The following RYR3 variants were observed in gnomAD, a reference collection of about 807,000 sequenced individuals.
RYR3 encodes ryanodine receptor 3.
A neutral mutation model predicts 584.3 loss-of-function variants in RYR3; 207 were observed. The ratio of observed to expected loss-of-function variants is 0.35; its 90% CI spans 0.32 to 0.40. The LOEUF (loss-of-function observed/expected upper bound fraction) is 0.40. Ranked by LOEUF, RYR3 falls within the 10% of genes least tolerant of loss-of-function variation. The pLI is 1.00. For missense variants in RYR3, 5,616 were observed against 6,089.2 expected (o/e 0.92, Z 2.59); for synonymous variants, 2,416 against 2,248.5 (o/e 1.07, Z -2.11).
chr15:33,368,598 T>C (rs1975852858), intron 1 of RYR3, among the ~76,000 whole-genome samples: 2 of 152,056 alleles, frequency 1.3e-5, no homozygotes, highest in African/African-American at 4.8e-5. Context: ...GTAAGTGGTG[T>C]TCAATTCAGT....
intron 1 of RYR3, among the ~76,000 whole-genome samples, chr15:33,428,241 G>A (rs1486392700): frequency 6.6e-6 from 1 of 152,068 alleles, no homozygotes; most frequent in Non-Finnish European, 1.5e-5. Context: ...TATTGCATTC[G>A]AGTTAATGAG....
At chr15:33,769,290 G>GA in intron 62 of RYR3, 118 bp downstream of exon 62, 1 of 814,658 alleles carries the variant, frequency 1.2e-6, no homozygotes, top group South Asian at 1.4e-5. Flanking sequence ...GAAGAGAGGA[G>GA]AGACAGGGCA....
At chr15:33,324,294 C>T (rs750096826) in intron 1 of RYR3, among the ~76,000 whole-genome samples, 67 of 152,222 alleles carry the variant, frequency 4.4e-4, no homozygotes, top group Middle Eastern at 6.8e-3. Context: ...TGGCAGATTC[C>T]ACTCACAGTA....
chr15:33,636,529 G>A lies in RYR3; in HGVS notation c.3535G>A (p.Ala1179Thr), dbSNP rs368220434. 25 of 1,600,028 alleles carry A rather than the reference G, an allele frequency of 1.6e-5. No homozygotes were observed. Among genetic ancestry groups the A allele is most frequent in the African/African-American group, 9.4e-5 (7 of 74,258 alleles). ...ITNKGSELAF[A>T]DYEIENGFVP... ...CAACAAAGGCTCTGAACTTGCCTTC[G>A]CTGACTACGAGATTGAGAATGGTAA... The change falls in exon 27 of 104, where the codon GCT (alanine) becomes ACT (threonine). Residue 1179 changes from alanine to threonine, a missense_variant. This residue lies in a region of RYR3 where 152 missense variants were observed against 200.9 expected (regional missense o/e 0.76). Transcript: ENST00000634891.
chr15:33,625,826 T>C (rs1282649487), intron 20 of RYR3, among the ~76,000 whole-genome samples: 10 of 152,172 alleles, frequency 6.6e-5, no homozygotes, highest in Non-Finnish European at 1.3e-4. Context: ...GTGGTAGAAG[T>C]CAATCTCCCC....
Position 33,852,076 on chromosome 15 carries a change from GAAT to G in RYR3, c.13629-967_13629-965del, listed in dbSNP as rs2079165011. On this transcript the variant is annotated intron_variant, in intron 94 of 103. Coordinates refer to ENST00000634891, the MANE Select transcript of RYR3 (RefSeq NM_001036.6). Reference sequence around the variant, plus strand: ...GGGAGAGGCGGCATGAGAGGTCAGTGAATAGTAGGAGGTCTCCATTTCCTTATC... The same window carrying G: ...GGGAGAGGCGGCATGAGAGGTCAGTGAGTAGGAGGTCTCCATTTCCTTATC... The G allele has an allele frequency of 1.1e-4, 3 of 27,656 alleles. No homozygotes were observed. In the Admixed American group the frequency reaches 1.3e-3, roughly 12 times the overall value. 1.7% of individuals were successfully genotyped at this position (27,656 alleles called of 1,614,324 possible). A position where few individuals can be genotyped will look rare whatever the true frequency, so the allele number is the denominator to read the frequency against.
chr15:33,646,311 C>T (rs751974310), intron 28 of RYR3, 40 bp from the exon 29 acceptor site: 2 of 1,544,358 alleles, frequency 1.3e-6, no homozygotes, highest in South Asian at 2.5e-5. Flanking sequence ...CAAGGTCAGG[C>T]CCTTTGGTAT....
At chr15:33,315,869 A>G (rs548062090) in intron 1 of RYR3, among the ~76,000 whole-genome samples, 1 of 152,328 alleles carries the variant, frequency 6.6e-6, no homozygotes, top group African/African-American at 2.4e-5. Flanking sequence ...GGAGGTGGTG[A>G]TGACTGCAAA....
Position 33,548,152 on chromosome 15 carries a change from G to A in RYR3, c.763G>A (p.Gly255Arg). The change falls in exon 9 of 104, where the codon GGA (glycine) becomes AGA (arginine). Residue 255 changes from glycine to arginine, a missense_variant. By Grantham distance (125) the Gly-to-Arg change is moderately radical (BLOSUM62 -2). Transcript: ENST00000634891. The stretch of plus-strand genomic sequence containing the variant: ...CAGGAGGATATTCTACGAAGCTGGG[G>A]GAGCTGGGACTCGAGCCAGGTCTCT... ...QHRRIFYEAG[G>R]AGTRARSLWR... 1 of 1,612,708 alleles carries A rather than the reference G, an allele frequency of 6.2e-7. No individual in the cohort carries two copies. Among genetic ancestry groups the A allele is most frequent in the Non-Finnish European group, 8.5e-7 (1 of 1,179,344 alleles).
intron 55 of RYR3, among the ~76,000 whole-genome samples, chr15:33,749,317 A>G (rs2071046259): frequency 6.6e-6 from 1 of 152,180 alleles, no homozygotes; most frequent in Non-Finnish European, 1.5e-5. Context: ...ATGTAAGACC[A>G]AGGGGTTGAA....
intron 67 of RYR3, among the ~76,000 whole-genome samples, chr15:33,796,532 A>T (rs1010727364): frequency 1.3e-5 from 2 of 152,146 alleles, no homozygotes; most frequent in Non-Finnish European, 2.9e-5. Flanking sequence ...GACTGTGCTC[A>T]GTTATTTCAT....
At chr15:33,583,838 G>C (rs1276638877) in intron 14 of RYR3, among the ~76,000 whole-genome samples, 2 of 152,000 alleles carry the variant, frequency 1.3e-5, no homozygotes, top group African/African-American at 4.8e-5. Flanking sequence ...GATCACTTGA[G>C]GTCAGGAGTT....
chr15:33,725,494 G>A (rs1206466367), intron 45 of RYR3, among the ~76,000 whole-genome samples: 3 of 152,144 alleles, frequency 2.0e-5, no homozygotes, highest in South Asian at 4.1e-4. Flanking sequence ...ACCATTGTAC[G>A]TGCTGGTTGG....
intron 9 of RYR3, 97 bp downstream of exon 9, chr15:33,548,301 A>G: frequency 1.4e-6 from 1 of 732,356 alleles, no homozygotes; most frequent in Non-Finnish European, 2.3e-6. Flanking sequence ...TCATCTGGCA[A>G]ACTCCTTCAA....
chr15:33,348,760 G>A (rs550215152), intron 1 of RYR3, among the ~76,000 whole-genome samples: 2 of 152,010 alleles, frequency 1.3e-5, no homozygotes, highest in East Asian at 3.9e-4. Context: ...ACAGGCGTGA[G>A]CCACTGCGCC....
intron 2 of RYR3, among the ~76,000 whole-genome samples, chr15:33,494,243 G>A (rs79313509): frequency 0.014 from 2,114 of 152,176 alleles, 39 homozygotes; most frequent in African/African-American, 0.045. Flanking sequence ...TTCAGCAAGC[G>A]TTTTTCTTAA....
intron 38 of RYR3, among the ~76,000 whole-genome samples, chr15:33,672,571 T>C (rs924720007): frequency 6.6e-6 from 1 of 152,216 alleles, no homozygotes; most frequent in Non-Finnish European, 1.5e-5. Flanking sequence ...CCTGGCATTT[T>C]AAAATAAATT....
intron 85 of RYR3, among the ~76,000 whole-genome samples, chr15:33,828,703 T>C (rs2077502766): frequency 1.3e-5 from 2 of 152,246 alleles, no homozygotes; most frequent in Non-Finnish European, 2.9e-5. Context: ...AGTTTGAAGC[T>C]AGCAGAGTTT....
At chr15:33,640,659 G>A (rs1385829969) in intron 27 of RYR3, among the ~76,000 whole-genome samples, 4 of 152,150 alleles carry the variant, frequency 2.6e-5, no homozygotes, top group Non-Finnish European at 5.9e-5. Flanking sequence ...AAACCAGTAT[G>A]AGGCCTTATA....
Sources: gnomAD v4.1 joint callset for allele counts (sites outside exome capture counted in the v4.1 genomes callset) on GRCh38, gnomAD v4.1.1 for gene constraint, gnomAD v4.1.1 regional missense constraint, MANE v1.5 for transcripts, NCBI Gene and HGNC (gene_info 2026-07-23, HGNC 2026-07-21) for gene names.